The following TNRC18 variants were observed in gnomAD, a reference collection of about 807,000 sequenced individuals.
TNRC18 encodes trinucleotide repeat-containing gene 18 protein.
Under a neutral mutation model 226.7 loss-of-function variants are expected in TNRC18, and 69 were observed. The observed-to-expected ratio is 0.30, with a 90% CI of 0.25 to 0.37. TNRC18 has a LOEUF of 0.37. Among genes scored for constraint, TNRC18 ranks in the 10% least tolerant of loss-of-function variants. TNRC18 has a pLI of 1.00. For synonymous variants in TNRC18, 2,449 were observed against 1,927.6 expected, an observed-to-expected ratio of 1.27 and a Z score of -7.09; for missense variants, 4,754 against 4,256.6, an observed-to-expected ratio of 1.12 and a Z score of -3.25.
Position 5,307,657 on chromosome 7 carries a change from G to C in TNRC18, c.*449C>G. ...CATGCACGGTGGGAGGCCTTGGGGT[G>C]GGCTCCATGCTAAGGGTGCTTGGGA... On this transcript the variant is annotated 3_prime_UTR_variant, in exon 30 of 30. Transcript: ENST00000430969. 2.6e-6 allele frequency: 1 copy of C among 382,206 alleles called. No individual in the cohort carries two copies. Among genetic ancestry groups the C allele is most frequent in the East Asian group, 8.3e-5 (1 of 12,032 alleles). The allele number at this position is 382,206 out of a possible 1,614,324, so 23.7% of individuals were successfully genotyped here.
At chr7:5,336,147 C>G (rs1456103273) in intron 18 of TNRC18, among the ~76,000 whole-genome samples, 2 of 151,554 alleles carry the variant, frequency 1.3e-5, no homozygotes, top group African/African-American at 4.9e-5. Flanking sequence ...GCGGAGGTTG[C>G]CATGAGCAGA....
Position 5,388,419 on chromosome 7 carries a change from C to G in TNRC18, c.1405G>C (p.Glu469Gln). 6.7e-7 allele frequency: 1 copy of G among 1,482,440 alleles called. No homozygotes were observed. The highest frequency in any genetic ancestry group is 1.5e-5 in the African/African-American group (1 of 67,622). The allele number at this position is 1,482,440 out of a possible 1,614,324, so 91.8% of individuals were successfully genotyped here. The change falls in exon 5 of 30, where the codon GAG becomes CAG. Residue 469 changes from glutamate to glutamine, a missense_variant. By Grantham distance (29) the Glu-to-Gln change is conservative (BLOSUM62 2). Transcript: ENST00000430969. ...CGCTCGCAGGGCCTCGGGTCCGCCT[C>G]GGGCTTGAGCAGCTCCTTGGCAGGC... ...YVPAKELLKP[E>Q]ADPRPCERAP...
intron 17 of TNRC18, among the ~76,000 whole-genome samples, chr7:5,349,032 G>A (rs1330311720): frequency 1.3e-5 from 2 of 152,190 alleles, no homozygotes; most frequent in Non-Finnish European, 2.9e-5. Flanking sequence ...CCACTCAGGT[G>A]CGCAGACTCC....
chr7:5,335,442 T>C (rs113599846), intron 18 of TNRC18, among the ~76,000 whole-genome samples: 3,683 of 151,446 alleles, frequency 0.024, 65 homozygotes, highest in Non-Finnish European at 0.038. Context: ...ACACCATCTC[T>C]GATAAAAATA....
intron 2 of TNRC18, among the ~76,000 whole-genome samples, chr7:5,413,672 A>G (rs1430083863): frequency 6.6e-6 from 1 of 151,988 alleles, no homozygotes; most frequent in African/African-American, 2.4e-5. Context: ...TGGGATTTAC[A>G]GGCATTCGCC....
chr7:5,325,034 C>T, intron 20 of TNRC18, 62 bp downstream of exon 20: 38 of 1,533,136 alleles, frequency 2.5e-5, no homozygotes, highest in South Asian at 6.1e-5. Flanking sequence ...AGCCCCCTGC[C>T]CTGACCACAG....
chr7:5,330,975 G>A lies in TNRC18; in HGVS notation c.6147+1647C>T, dbSNP rs10264462. 2.9e-3 allele frequency among the ~76,000 whole-genome samples: 440 copies of A among 152,194 alleles called. 2 individuals are homozygous for A. The highest frequency in any genetic ancestry group is 9.9e-3 in the African/African-American group (411 of 41,542). ...CAGGTGTGTGCCACCGTGCCCGGCT[G>A]AATCATTATTATTATTGTGACTAAT... is the stretch of plus-strand genomic sequence containing the variant. On this transcript the variant is annotated intron_variant, in intron 19 of 29. Coordinates refer to ENST00000430969, the MANE Select transcript of TNRC18 (RefSeq NM_001080495.3).
Position 5,309,876 on chromosome 7 carries a change from G to A in TNRC18, c.8389-508C>T, listed in dbSNP as rs1392995173. Among the ~76,000 whole-genome samples, 3 of 151,990 alleles carry A rather than the reference G, an allele frequency of 2.0e-5. No homozygotes were observed. The highest frequency in any genetic ancestry group is 2.1e-4 in the South Asian group (1 of 4,806). On this transcript the variant is annotated intron_variant, in intron 27 of 29. Transcript: ENST00000430969. This position sits in a 1 kb window ranked among gnomAD's most constrained non-coding sequence, Gnocchi z 5.7. ...CTTTGCCTCCCAAAGCACTAGGATC[G>A]CAGTGTCAGCCACTGCACCTGGCCT...
intron 2 of TNRC18, among the ~76,000 whole-genome samples, chr7:5,416,016 G>C (rs1261101866): frequency 6.6e-6 from 1 of 150,966 alleles, no homozygotes; most frequent in Non-Finnish European, 1.5e-5. Context: ...CGGGGAGGCT[G>C]AAGCAGAATT....
At chr7:5,330,848 A>AT (rs1789455687) in intron 19 of TNRC18, among the ~76,000 whole-genome samples, 1 of 151,522 alleles carries the variant, frequency 6.6e-6, no homozygotes, top group Admixed American at 6.6e-5. Context: ...TAATTTTTGT[A>AT]TTTTTTAGTA....
chr7:5,321,639 CTTTA>C (rs10551562), intron 21 of TNRC18, among the ~76,000 whole-genome samples: 43,326 of 143,244 alleles, frequency 0.3, 6,779 homozygotes, highest in Admixed American at 0.35. Context: ...ACTTCTAGGA[CTTTA>C]TTTATTTATT....
In TNRC18 at chr7:5,388,784, G is replaced by A. The variant is rs1780029498; in HGVS notation, c.1040C>T (p.Ala347Val). Residue 347 changes from alanine (A) to valine (V), a missense_variant, in exon 5 of 30, where the codon GCA (alanine) becomes GTA (valine). By Grantham distance (64) the Ala-to-Val change is moderately conservative (BLOSUM62 0). Transcript: ENST00000430969. ...GCCGGCGGGGGTGGCCGCGGGGGGTGCAGGAGGCCCCTTGGGGGGCGCGGG... is the reference window on the plus strand; with the variant it reads ...GCCGGCGGGGGTGGCCGCGGGGGGTACAGGAGGCCCCTTGGGGGGCGCGGG... ...PPPAPPKGPP[A>V]PPAATPAGVY... The A allele has an allele frequency of 4.1e-6, 5 of 1,216,906 alleles. No individual in the cohort carries two copies. Among genetic ancestry groups the A allele is most frequent in the Non-Finnish European group, 5.1e-6 (5 of 976,664 alleles). 75.4% of individuals were successfully genotyped at this position (1,216,906 alleles called of 1,614,324 possible). A position where few individuals can be genotyped will look rare whatever the true frequency, so the allele number is the denominator to read the frequency against.
intron 2 of TNRC18, among the ~76,000 whole-genome samples, chr7:5,405,007 A>G (rs1781369587): frequency 6.6e-6 from 1 of 151,904 alleles, no homozygotes; most frequent in Non-Finnish European, 1.5e-5. Flanking sequence ...AGTCCCAGCT[A>G]TTGGGAGGCT....
intron 5 of TNRC18, among the ~76,000 whole-genome samples, chr7:5,385,982 CAAAA>C (rs1160231238): frequency 0.02 from 844 of 41,500 alleles, 9 homozygotes; most frequent in African/African-American, 0.065. Context: ...AAGTCTGTCT[CAAAA>C]AAAAAAAAAA....
chr7:5,391,152 C>G (rs1368687393), intron 3 of TNRC18, among the ~76,000 whole-genome samples: 1 of 152,042 alleles, frequency 6.6e-6, no homozygotes, highest in East Asian at 1.9e-4. Context: ...CCTGCCTTCT[C>G]TGAACCTCAG....
Position 5,309,291 on chromosome 7 carries a change from C to A in TNRC18, c.8466G>T (p.Gly2822=), listed in dbSNP as rs1390552174. 1 of 1,613,896 alleles carries A rather than the reference C, an allele frequency of 6.2e-7. No homozygotes were observed. The highest frequency in any genetic ancestry group is 8.5e-7 in the Non-Finnish European group (1 of 1,179,820). The change falls in exon 28 of 30, where the codon GGG becomes GGT. Residue 2822 remains glycine (G), a synonymous_variant. Transcript: ENST00000430969. The surrounding 1 kb of genome is among the most constrained non-coding windows in gnomAD (Gnocchi z 5.7). The part of the protein sequence containing the change: ...IVRGKEMIRI[G]DCAVFLSAGR... ...CGGCAGAGAGGAACACGGCACAGTC[C>A]CCGATACGGATCATCTCCTTGCCGC...
At chr7:5,418,180 C>G (rs1782308826) in intron 2 of TNRC18, among the ~76,000 whole-genome samples, 2 of 152,190 alleles carry the variant, frequency 1.3e-5, no homozygotes, top group Non-Finnish European at 2.9e-5. Context: ...GCCTCCCAAG[C>G]CCAGAGCACA....
intron 29 of TNRC18, among the ~76,000 whole-genome samples, chr7:5,308,529 G>GAGATCCAAAGACGCA (rs1786826729): frequency 6.6e-6 from 1 of 152,242 alleles, no homozygotes; most frequent in Admixed American, 6.6e-5. Context: ...GACAGACCAA[G>GAGATCCAAAGACGCA]AGATCCAAAG....
At chr7:5,330,503 T>G (rs1015464966) in intron 19 of TNRC18, among the ~76,000 whole-genome samples, 16 of 151,662 alleles carry the variant, frequency 1.1e-4, no homozygotes, top group Non-Finnish European at 2.2e-4. Flanking sequence ...CACCTCAAAG[T>G]GCTGGGATTG....
Sources: gnomAD v4.1 joint callset for allele counts (sites outside exome capture counted in the v4.1 genomes callset) on GRCh38, gnomAD v4.1.1 for gene constraint, Gnocchi (gnomAD v3.1) non-coding constraint, MANE v1.5 for transcripts, NCBI Gene and HGNC (gene_info 2026-07-23, HGNC 2026-07-21) for gene names.